The following KATNIP variants were observed in gnomAD, a reference collection of about 807,000 sequenced individuals.
KATNIP encodes katanin-interacting protein.
In KATNIP, 126 loss-of-function variants were observed where a neutral mutation model predicts 174.0. The ratio of observed to expected loss-of-function variants is 0.72; its 90% CI spans 0.63 to 0.84. The LOEUF (loss-of-function observed/expected upper bound fraction) is 0.84. Among genes scored for constraint, KATNIP ranks in the 40% least tolerant of loss-of-function variants. The pLI, the probability that KATNIP is intolerant of heterozygous loss-of-function variation, is 0.00. For synonymous variants in KATNIP, 810 were observed against 835.7 expected (o/e 0.97, Z 0.53); for missense variants, 1,958 against 2,109.7 (o/e 0.93, Z 1.41).
At chr16:27,716,956 T>C (rs2079974135) in intron 13 of KATNIP, among the ~76,000 whole-genome samples, 1 of 152,154 alleles carries the variant, frequency 6.6e-6, no homozygotes, top group South Asian at 2.1e-4. Context: ...GCGATTCTTC[T>C]GCCTCATCCT....
intron 8 of KATNIP, among the ~76,000 whole-genome samples, chr16:27,689,624 C>T (rs2078644282): frequency 6.6e-6 from 1 of 152,142 alleles, no homozygotes; most frequent in Non-Finnish European, 1.5e-5. Flanking sequence ...AGAAAAGTCC[C>T]AAAAGCAGCT....
intron 21 of KATNIP, among the ~76,000 whole-genome samples, chr16:27,770,711 G>A (rs746039512): frequency 3.9e-5 from 6 of 152,182 alleles, no homozygotes; most frequent in Non-Finnish European, 7.3e-5. Context: ...GATCCTTCCC[G>A]AGGGCCAGCT....
At chr16:27,565,657 A>G (rs1596732475) in intron 1 of KATNIP, among the ~76,000 whole-genome samples, 1 of 150,898 alleles carries the variant, frequency 6.6e-6, no homozygotes, top group Admixed American at 6.6e-5. Flanking sequence ...GGTGGCACAT[A>G]CCTATAGTGC....
At position 27,673,615 on chromosome 16, in the gene KATNIP, C is replaced by T. The variant is rs147156384; in HGVS notation, c.541-4114C>T. Among the ~76,000 whole-genome samples the T allele has an allele frequency of 4.0e-4, 61 of 152,248 alleles. No individual in the cohort carries two copies. The East Asian group carries it at 8.5e-3, about 21-fold the overall frequency. On this transcript the variant is annotated intron_variant, in intron 6 of 27. Coordinates refer to ENST00000261588, the MANE Select transcript of KATNIP (RefSeq NM_015202.5). ...GTCCTGGACATTCTGTTATGTTTAGCAGCATCCCTGGTGTCCATGTAATAG... is the reference window on the plus strand; with the variant it reads ...GTCCTGGACATTCTGTTATGTTTAGTAGCATCCCTGGTGTCCATGTAATAG...
At chr16:27,686,165 C>T (rs998939872) in intron 8 of KATNIP, among the ~76,000 whole-genome samples, 1 of 152,180 alleles carries the variant, frequency 6.6e-6, no homozygotes, top group East Asian at 1.9e-4. Context: ...CTGAAACTTC[C>T]TAAAAGTGCA....
Position 27,673,947 on chromosome 16 carries a change from G to A in KATNIP, c.541-3782G>A, listed in dbSNP as rs541507185. 6.6e-4 allele frequency among the ~76,000 whole-genome samples: 100 copies of A among 152,262 alleles called. 1 individual carries two copies. Among genetic ancestry groups the A allele is most frequent in the African/African-American group, 2.3e-3 (97 of 41,544 alleles). Reference sequence around the variant, plus strand: ...TCTATTCAGTCATTCAGCAGATACTGGTCGAGCACCTACTATGTGCCAGCC... The same window carrying A: ...TCTATTCAGTCATTCAGCAGATACTAGTCGAGCACCTACTATGTGCCAGCC... On this transcript the variant is annotated intron_variant, in intron 6 of 27. Coordinates refer to ENST00000261588, the MANE Select transcript of KATNIP (RefSeq NM_015202.5).
chr16:27,601,983 C>T (rs181840366), intron 2 of KATNIP, among the ~76,000 whole-genome samples: 1 of 152,340 alleles, frequency 6.6e-6, no homozygotes, highest in Admixed American at 6.5e-5. Context: ...GTGGCTGCCT[C>T]TCTCCTCCCA....
chr16:27,619,727 A>G (rs2076140654), intron 3 of KATNIP, among the ~76,000 whole-genome samples: 1 of 152,090 alleles, frequency 6.6e-6, no homozygotes, highest in African/African-American at 2.4e-5. Flanking sequence ...CCAGATACCT[A>G]CCTACTGAGG....
At chr16:27,738,062 C>CG (rs1371977034) in intron 14 of KATNIP, among the ~76,000 whole-genome samples, 2 of 151,950 alleles carry the variant, frequency 1.3e-5, no homozygotes, top group Non-Finnish European at 2.9e-5. Context: ...ACAGATCATG[C>CG]GGGGGGCCCT....
rs1487350385 is a variant in KATNIP at position 27,757,622 on chromosome 16, TTTCTC to T, written c.3631+3382_3631+3386del. On this transcript the variant is annotated intron_variant, in intron 18 of 27. Coordinates refer to ENST00000261588, the MANE Select transcript of KATNIP (RefSeq NM_015202.5). Reference sequence around the variant, plus strand: ...CCTTTTTACTGCAAGGCAAGTGTAATTTCTCTTCTCTTCTCAGTAGGAAGGCAGAA... The same window carrying T: ...CCTTTTTACTGCAAGGCAAGTGTAATTTCTCTTCTCAGTAGGAAGGCAGAA... 3.2e-5 allele frequency: 20 copies of T among 622,950 alleles called. No individual in the cohort carries two copies. The Admixed American group carries it at 1.1e-3, about 35-fold the overall frequency. 38.6% of individuals were successfully genotyped at this position (622,950 alleles called of 1,614,324 possible).
chr16:27,777,748 C>T lies in KATNIP; in HGVS notation c.4690C>T (p.Gln1564Ter). The stretch of plus-strand genomic sequence containing the variant: ...CACCGAGGACAGGGACATCCGCCAC[C>T]AGGAGAAACACACCACCATCAGGTA... ...LFTEDRDIRH[Q>*]EKHTTISNQA... The change falls in exon 26 of 28, where the codon CAG becomes TAG. Residue 1564 changes from glutamine to a stop codon, truncating the protein, a stop_gained. Coordinates refer to ENST00000261588, the MANE Select transcript of KATNIP (RefSeq NM_015202.5). LOFTEE classifies it high-confidence loss of function. This position sits in a 1 kb window ranked among gnomAD's most constrained non-coding sequence, Gnocchi z 4.4. The T allele has an allele frequency of 6.2e-7, 1 of 1,613,856 alleles. No individual in the cohort carries two copies. Among genetic ancestry groups the T allele is most frequent in the Non-Finnish European group, 8.5e-7 (1 of 1,179,854 alleles).
At chr16:27,561,990 A>C (rs954914373) in intron 1 of KATNIP, among the ~76,000 whole-genome samples, 1 of 152,200 alleles carries the variant, frequency 6.6e-6, no homozygotes, top group African/African-American at 2.4e-5. Context: ...CATACCCAAG[A>C]ATATTCTTCA....
At chr16:27,681,818 G>A (rs1412013429) in intron 8 of KATNIP, among the ~76,000 whole-genome samples, 2 of 152,208 alleles carry the variant, frequency 1.3e-5, no homozygotes, top group Non-Finnish European at 2.9e-5. Flanking sequence ...GTTGACTGGA[G>A]AAGTCACCCT....
intron 6 of KATNIP, among the ~76,000 whole-genome samples, chr16:27,657,541 A>G (rs918456732): frequency 6.6e-6 from 1 of 152,094 alleles, no homozygotes; most frequent in Non-Finnish European, 1.5e-5. Flanking sequence ...AGCCTGGCCA[A>G]CATGGCAAAA....
intron 13 of KATNIP, among the ~76,000 whole-genome samples, chr16:27,717,002 C>T (rs2079978106): frequency 6.6e-6 from 1 of 152,036 alleles, no homozygotes; most frequent in Admixed American, 6.5e-5. Flanking sequence ...CGCCACCACA[C>T]CCGGCTAATT....
At chr16:27,751,671 TG>T (rs745807187) in intron 16 of KATNIP, 47 bp from the exon 17 acceptor site, 5 of 1,576,688 alleles carry the variant, frequency 3.2e-6, no homozygotes, top group African/African-American at 2.7e-5. Flanking sequence ...TACAAATCTC[TG>T]GGATGTGAAG....
chr16:27,748,294 T>C (rs1475221541), intron 15 of KATNIP, among the ~76,000 whole-genome samples: 1 of 152,208 alleles, frequency 6.6e-6, no homozygotes, highest in Non-Finnish European at 1.5e-5. Context: ...TAAAATAGCA[T>C]TTTTGGCTGG....
intron 2 of KATNIP, among the ~76,000 whole-genome samples, chr16:27,599,141 C>T (rs1567477483): frequency 6.6e-6 from 1 of 152,080 alleles, no homozygotes; most frequent in Non-Finnish European, 1.5e-5. Context: ...AATGCTTCAG[C>T]GAGGGGTGTG....
At chr16:27,642,182 G>A (rs1440012046) in intron 5 of KATNIP, among the ~76,000 whole-genome samples, 1 of 152,200 alleles carries the variant, frequency 6.6e-6, no homozygotes, top group Non-Finnish European at 1.5e-5. Context: ...ATACACCATG[G>A]AATACTATGC....
Sources: gnomAD v4.1 joint callset for allele counts (sites outside exome capture counted in the v4.1 genomes callset) on GRCh38, gnomAD v4.1.1 for gene constraint, Gnocchi (gnomAD v3.1) non-coding constraint, MANE v1.5 for transcripts, NCBI Gene and HGNC (gene_info 2026-07-23, HGNC 2026-07-21) for gene names.